The following RGS12 variants were observed in gnomAD, a reference collection of about 807,000 sequenced individuals.
The protein encoded by RGS12 is regulator of G-protein signaling 12.
A neutral mutation model predicts 120.1 loss-of-function variants in RGS12; 66 were observed. The observed-to-expected ratio is 0.55, with a 90% CI of 0.45 to 0.67. The LOEUF is 0.67. RGS12 is among the 30% of genes least tolerant of loss of function. The probability of loss-of-function intolerance (pLI) is 0.00; values close to 1 mark genes in which losing one functional copy is unlikely to be tolerated. For synonymous variants in RGS12, 827 were observed against 804.7 expected (o/e 1.03, Z -0.47); for missense variants, 1,859 against 1,957.7 (o/e 0.95, Z 0.95).
chr4:3,410,484 G>A (rs560456092), intron 4 of RGS12, among the ~76,000 whole-genome samples: 12 of 152,354 alleles, frequency 7.9e-5, no homozygotes, highest in Admixed American at 5.2e-4. Context: ...GTGCCTTTGG[G>A]GGGGCTGTCC....
At chr4:3,368,036 T>G (rs573695640) in intron 3 of RGS12, among the ~76,000 whole-genome samples, 1 of 152,344 alleles carries the variant, frequency 6.6e-6, no homozygotes, top group South Asian at 2.1e-4. Flanking sequence ...AGTTTAGCAC[T>G]TAGGTGATAA....
chr4:3,309,898 A>G, intron 1 of RGS12, among the ~76,000 whole-genome samples: 1 of 130,460 alleles, frequency 7.7e-6, no homozygotes, highest in Non-Finnish European at 1.6e-5. Flanking sequence ...CGCTGAGGGG[A>G]ACCGTGCAGG....
rs116089088 is a variant in RGS12, at chr4:3,436,669, C to T, written c.4115-2786C>T. The stretch of plus-strand genomic sequence containing the variant: ...GACCAGGGTGGGGCGGGGTCCTGCC[C>T]CAGGCCTAGGCCAGAGCAGCTGGCA... On this transcript the variant is annotated intron_variant, in intron 17 of 17. Coordinates refer to ENST00000336727, the MANE Select transcript of RGS12 (RefSeq NM_001394154.1). 1.6e-3 allele frequency among the ~76,000 whole-genome samples: 245 copies of T among 152,320 alleles called. 1 individual carries two copies. The highest frequency in any genetic ancestry group is 5.7e-3 in the African/African-American group (235 of 41,576).
At position 3,317,983 on chromosome 4, in the gene RGS12, A is replaced by G; in HGVS notation, c.1813A>G (p.Lys605Glu). Residue 605 changes from lysine (K) to glutamate (E), a missense_variant, in exon 2 of 18, where the codon AAG (lysine) becomes GAG (glutamate). Physicochemically the swap from Lys to Glu is moderately conservative, Grantham distance 56 (BLOSUM62 1). Around this residue, in one of 3 missense-constraint regions of RGS12, gnomAD observed 967 missense variants for 994.2 expected, o/e 0.97. Transcript: ENST00000336727. ...TGCCCCGAAGAGGGAGTGGTCCAGG[A>G]AGGCCTTTGGAATGCAAAGCATTTT... Reference protein sequence around the residue: ...LNAPKREWSRKAFGMQSIFGP... With the variant: ...LNAPKREWSREAFGMQSIFGP... 6.2e-7 allele frequency: 1 copy of G among 1,612,240 alleles called. No homozygotes were observed. The highest frequency in any genetic ancestry group is 1.1e-5 in the South Asian group (1 of 90,826).
In RGS12 at chr4:3,417,483, G is replaced by A. The variant is rs138222443; in HGVS notation, c.2703G>A (p.Ser901=). The change falls in exon 9 of 18, where the codon TCG becomes TCA. Residue 901 remains serine, a synonymous_variant. Transcript: ENST00000336727. ...GGAAAGGCGCGTTTTTCTCGTGGTCGCGGACCAGGAGCACCGGGAGGTCCC... is the reference window on the plus strand; with the variant it reads ...GGAAAGGCGCGTTTTTCTCGTGGTCACGGACCAGGAGCACCGGGAGGTCCC... ...KKRKGAFFSW[S]RTRSTGRSQK... 2.4e-5 allele frequency: 38 copies of A among 1,613,382 alleles called. No homozygotes were observed. Among genetic ancestry groups the A allele is most frequent in the Middle Eastern group, 1.7e-4 (1 of 6,058 alleles).
chr4:3,306,328 G>A (rs1171214451), intron 1 of RGS12, among the ~76,000 whole-genome samples: 1 of 152,224 alleles, frequency 6.6e-6, no homozygotes, highest in Non-Finnish European at 1.5e-5. Flanking sequence ...GTCAGTGGCA[G>A]GAGGTGCGAT....
intron 17 of RGS12, chr4:3,431,359 G>T (rs758243025): frequency 1.1e-5 from 11 of 1,044,270 alleles, no homozygotes; most frequent in Non-Finnish European, 1.2e-5. Context: ...AATAGCATTT[G>T]TCTTGAGTGA....
At chr4:3,428,512 C>G in intron 15 of RGS12, 46 bp from the exon 16 acceptor site, 1 of 1,479,164 alleles carries the variant, frequency 6.8e-7, no homozygotes, top group Non-Finnish European at 9.2e-7. Flanking sequence ...GATGTATTGT[C>G]GTGTATTGAA....
At chr4:3,424,507 G>A (rs1371546128) in intron 13 of RGS12, among the ~76,000 whole-genome samples, 2 of 152,206 alleles carry the variant, frequency 1.3e-5, no homozygotes, top group Admixed American at 6.5e-5. Context: ...CCCTCTGGCC[G>A]ACTCTGGGGA....
intron 3 of RGS12, among the ~76,000 whole-genome samples, chr4:3,349,313 C>T (rs2108798195): frequency 6.6e-6 from 1 of 152,272 alleles, no homozygotes; most frequent in African/African-American, 2.4e-5. Context: ...TCTGTACTTC[C>T]TCTTTCTTAA....
At chr4:3,400,195 A>T (rs1019461883) in intron 4 of RGS12, among the ~76,000 whole-genome samples, 2 of 152,246 alleles carry the variant, frequency 1.3e-5, no homozygotes, top group African/African-American at 4.8e-5. Flanking sequence ...GGCACAGGAA[A>T]ATTGAATTAT....
At chr4:3,306,718 G>A (rs909237284) in intron 1 of RGS12, among the ~76,000 whole-genome samples, 2 of 152,164 alleles carry the variant, frequency 1.3e-5, no homozygotes, top group Admixed American at 6.5e-5. Flanking sequence ...GAGTGGTCCC[G>A]GGTGTCTGAG....
At chr4:3,423,142 C>A (rs1723218500) in intron 12 of RGS12, among the ~76,000 whole-genome samples, 164 bp downstream of exon 12, 1 of 152,166 alleles carries the variant, frequency 6.6e-6, no homozygotes, top group Non-Finnish European at 1.5e-5. Flanking sequence ...CGAGGCAGCC[C>A]CCCTACAAGC....
At chr4:3,405,181 G>A (rs961079867) in intron 4 of RGS12, among the ~76,000 whole-genome samples, 5 of 152,258 alleles carry the variant, frequency 3.3e-5, no homozygotes, top group African/African-American at 1.2e-4. Context: ...ACTCAGGCTT[G>A]ATGCGAAGCA....
chr4:3,353,616 CTG>C (rs1444422539), intron 3 of RGS12, among the ~76,000 whole-genome samples: 1 of 152,144 alleles, frequency 6.6e-6, no homozygotes, highest in African/African-American at 2.4e-5. Context: ...GGGAAGGAGA[CTG>C]TGCCACGGGC....
chr4:3,359,431 TC>T (rs1409661079), intron 3 of RGS12, among the ~76,000 whole-genome samples: 2 of 28,386 alleles, frequency 7.0e-5, no homozygotes, highest in Non-Finnish European at 1.3e-4. Context: ...CTTCTCTTCC[TC>T]CTCCCTCTCC....
intron 4 of RGS12, among the ~76,000 whole-genome samples, chr4:3,410,248 C>A (rs1321961202): frequency 3.9e-5 from 6 of 152,234 alleles, no homozygotes; most frequent in Admixed American, 3.9e-4. Context: ...ACCACAGGTG[C>A]CTGCTACCCT....
chr4:3,367,431 A>G (rs1265921638), intron 3 of RGS12, among the ~76,000 whole-genome samples: 1 of 152,206 alleles, frequency 6.6e-6, no homozygotes, highest in African/African-American at 2.4e-5. Context: ...CTGGCCATGC[A>G]TGTGTTGGTG....
At chr4:3,359,991 CT>C (rs1167089468) in intron 3 of RGS12, among the ~76,000 whole-genome samples, 3 of 152,126 alleles carry the variant, frequency 2.0e-5, no homozygotes, top group Non-Finnish European at 2.9e-5. Flanking sequence ...AACTCCTGGG[CT>C]CAAGTGATCT....
Sources: allele counts gnomAD v4.1 joint callset (sites outside exome capture counted in the v4.1 genomes callset), GRCh38; gene constraint gnomAD v4.1.1; regional missense constraint gnomAD v4.1.1; transcripts MANE v1.5; gene names NCBI Gene and HGNC (gene_info 2026-07-23, HGNC 2026-07-21).